Variants in RAB3IL1 observed in about 807,000 individuals in gnomAD.
The protein encoded by RAB3IL1 is RAB3A interacting protein like 1, also known as guanine nucleotide exchange factor for Rab-3A.
RAB3IL1 carries 37 observed loss-of-function variants against 49.2 expected under a neutral mutation model. That is an observed-to-expected ratio of 0.75 (90% CI 0.58 to 0.99). The LOEUF (loss-of-function observed/expected upper bound fraction) is 0.99. Ranked by LOEUF, RAB3IL1 falls within the 50% of genes least tolerant of loss-of-function variation. The pLI, the probability that RAB3IL1 is intolerant of heterozygous loss-of-function variation, is 0.00. For synonymous variants in RAB3IL1, 193 were observed against 213.9 expected (o/e 0.90, Z 0.85); for missense variants, 484 against 513.0 (o/e 0.94, Z 0.55).
chr11:61,915,791 A>G (rs1360885956), intron 1 of RAB3IL1, among the ~76,000 whole-genome samples: 3 of 152,184 alleles, frequency 2.0e-5, no homozygotes, highest in Non-Finnish European at 4.4e-5. Context: ...TAATCCCAGC[A>G]CTTTGGGAGG....
In RAB3IL1 at chr11:61,906,598, G is replaced by T; in HGVS notation, c.525C>A (p.Pro175=). 1 of 1,610,838 alleles carries T rather than the reference G, an allele frequency of 6.2e-7. No homozygotes were observed. Among genetic ancestry groups the T allele is most frequent in the Non-Finnish European group, 8.5e-7 (1 of 1,178,880 alleles). ...TPASPNRELH[P]QLLSPTKAGP... is the part of the protein sequence containing the mutation. ...CGGCCTTGGTGGGGCTCAGCAGCTGGGGGTGAAGCTCGCGGTTGGGAGAGG... is the reference window on the plus strand; with the variant it reads ...CGGCCTTGGTGGGGCTCAGCAGCTGTGGGTGAAGCTCGCGGTTGGGAGAGG... Residue 175 remains proline, a synonymous_variant, in exon 5 of 10, where the codon CCC becomes CCA. Transcript: ENST00000394836. This position sits in a 1 kb window ranked among gnomAD's most constrained non-coding sequence, Gnocchi z 4.6.
chr11:61,942,298 G>C, the RAB3IL1 span, among the ~76,000 whole-genome samples: 1 of 152,146 alleles, frequency 6.6e-6, no homozygotes, highest in African/African-American at 2.4e-5. Context: ...CTAATCTCAA[G>C]TAATCAGGGA....
At chr11:61,902,025 A>C (rs1353453740) in intron 8 of RAB3IL1, among the ~76,000 whole-genome samples, 1 of 152,150 alleles carries the variant, frequency 6.6e-6, no homozygotes, top group Non-Finnish European at 1.5e-5. Flanking sequence ...CTGTAAATCA[A>C]GATGTAAGGC....
At chr11:61,926,785 C>G in the RAB3IL1 span, among the ~76,000 whole-genome samples, 3 of 152,092 alleles carry the variant, frequency 2.0e-5, no homozygotes, top group African/African-American at 7.2e-5. Flanking sequence ...AAACTCCTGA[C>G]CCTGTGATCT....
intron 8 of RAB3IL1, 48 bp downstream of exon 8, chr11:61,902,394 C>G: frequency 6.6e-7 from 1 of 1,508,374 alleles, no homozygotes; most frequent in Non-Finnish European, 9.0e-7. Context: ...GTCCCAGCAC[C>G]CAGGTGGCCC....
At chr11:61,910,408 T>C (rs1939406503) in intron 1 of RAB3IL1, among the ~76,000 whole-genome samples, 1 of 152,144 alleles carries the variant, frequency 6.6e-6, no homozygotes, top group Admixed American at 6.5e-5. Flanking sequence ...CAGGGGGAGC[T>C]GTGGCAGAGA....
At position 61,898,852 on chromosome 11, in the gene RAB3IL1, G is replaced by A. The variant is rs535222215; in HGVS notation, c.1066+462C>T. The A allele has an allele frequency of 1.3e-4, 59 of 468,290 alleles. No homozygotes were observed. The highest frequency in any genetic ancestry group is 4.9e-4 in the African/African-American group (25 of 50,764). The allele number at this position is 468,290 out of a possible 1,614,324, so 29.0% of individuals were successfully genotyped here. ...GAGATAGCTCCTTACTCAGAGGGTCGGGCCAGACTGGTTCAGGAGAAGACT... is the reference window on the plus strand; with the variant it reads ...GAGATAGCTCCTTACTCAGAGGGTCAGGCCAGACTGGTTCAGGAGAAGACT... On this transcript the variant is annotated intron_variant, in intron 9 of 9. Coordinates refer to ENST00000394836, the MANE Select transcript of RAB3IL1 (RefSeq NM_013401.4). The surrounding 1 kb of genome is among the most constrained non-coding windows in gnomAD (Gnocchi z 5.1).
intron 1 of RAB3IL1, among the ~76,000 whole-genome samples, chr11:61,910,077 T>C (rs771008489): frequency 1.3e-5 from 2 of 152,228 alleles, no homozygotes; most frequent in Non-Finnish European, 2.9e-5. Context: ...TGTCCCATTC[T>C]ACAGATGAGG....
At chr11:61,945,382 C>T in the RAB3IL1 span, among the ~76,000 whole-genome samples, 7 of 152,186 alleles carry the variant, frequency 4.6e-5, no homozygotes, top group Admixed American at 2.0e-4. Context: ...TAAACACGGT[C>T]GGTCGGCATT....
upstream of RAB3IL1, among the ~76,000 whole-genome samples, chr11:61,921,341 G>A (rs930014990): frequency 2.6e-5 from 4 of 152,130 alleles, no homozygotes; most frequent in African/African-American, 7.2e-5. Flanking sequence ...TAGCCTCTCC[G>A]TGCCTCAGTT....
chr11:61,928,869 A>G, the RAB3IL1 span, among the ~76,000 whole-genome samples: 1 of 152,240 alleles, frequency 6.6e-6, no homozygotes, highest in Non-Finnish European at 1.5e-5. Flanking sequence ...TATGAGTAAG[A>G]ATCAACAGAA....
At chr11:61,943,950 A>G in the RAB3IL1 span, among the ~76,000 whole-genome samples, 8 of 152,210 alleles carry the variant, frequency 5.3e-5, no homozygotes, top group Middle Eastern at 3.2e-3. Context: ...GTTTTGTTTT[A>G]AACTGCTCTG....
upstream of RAB3IL1, among the ~76,000 whole-genome samples, chr11:61,922,323 G>A (rs1316804297): frequency 6.6e-6 from 1 of 152,004 alleles, no homozygotes; most frequent in African/African-American, 2.4e-5. Context: ...GGGAGTTTGA[G>A]ACCAGCCTGA....
rs1460020243 is a variant in RAB3IL1, at chr11:61,906,434, C to T, written c.657+32G>A. 1 of 1,527,150 alleles carries T rather than the reference C, an allele frequency of 6.5e-7. No individual in the cohort carries two copies. The highest frequency in any genetic ancestry group is 8.8e-7 in the Non-Finnish European group (1 of 1,136,864). The allele number at this position is 1,527,150 out of a possible 1,614,324, so 94.6% of individuals were successfully genotyped here. ...GCCTACCGCAGGCACTGCCACCCTT[C>T]CCCGTGCCCAGAGCCCGCTTCCCAC... On this transcript the variant is annotated intron_variant, in intron 5 of 9. Transcript: ENST00000394836. The surrounding 1 kb of genome is among the most constrained non-coding windows in gnomAD (Gnocchi z 4.6).
the RAB3IL1 span, among the ~76,000 whole-genome samples, chr11:61,943,260 T>TA: frequency 6.6e-6 from 1 of 152,162 alleles, no homozygotes; most frequent in Admixed American, 6.6e-5. Context: ...TTTCAACAAA[T>TA]ATACATGGAC....
At chr11:61,918,092 C>T (rs1031828086), upstream of RAB3IL1, among the ~76,000 whole-genome samples, 4 of 152,196 alleles carry the variant, frequency 2.6e-5, no homozygotes, top group African/African-American at 7.2e-5. Flanking sequence ...CACGCTCTGC[C>T]CATCCCTGCC....
At chr11:61,899,269 C>T (rs1490329078) in intron 9 of RAB3IL1, 45 bp downstream of exon 9, 1 of 1,576,818 alleles carries the variant, frequency 6.3e-7, no homozygotes. Flanking sequence ...CATCCAGCCC[C>T]ACTCCCGTGT....
At chr11:61,904,906 TG>T in intron 5 of RAB3IL1, 24 bp from the exon 6 acceptor site, 1 of 1,465,596 alleles carries the variant, frequency 6.8e-7, no homozygotes, top group Non-Finnish European at 9.2e-7. Flanking sequence ...CAAGCGAGGG[TG>T]GGGGCGGTCA....
At position 61,903,173 on chromosome 11, in the gene RAB3IL1, C is replaced by T. The variant is rs113003286; in HGVS notation, c.900-632G>A. ...CTCCCCAAACCTGCTCTTCACTGGC[C>T]ATCATCTGCTCGGCTCTCTCCTCCT... On this transcript the variant is annotated intron_variant, in intron 7 of 9. Coordinates refer to ENST00000394836, the MANE Select transcript of RAB3IL1 (RefSeq NM_013401.4). Among the ~76,000 whole-genome samples the T allele has an allele frequency of 2.6e-3, 399 of 152,124 alleles. 2 individuals are homozygous for T. The highest frequency in any genetic ancestry group is 0.01 in the Middle Eastern group (3 of 294).
Sources: allele counts gnomAD v4.1 joint callset (sites outside exome capture counted in the v4.1 genomes callset), GRCh38; gene constraint gnomAD v4.1.1; non-coding constraint Gnocchi (gnomAD v3.1); transcripts MANE v1.5; gene names NCBI Gene and HGNC (gene_info 2026-07-23, HGNC 2026-07-21).